Variants in NUB1 observed in about 807,000 individuals in gnomAD.
NUB1 encodes the protein negative regulator of ubiquitin like proteins 1, also known as NEDD8 ultimate buster 1.
Under a neutral mutation model 77.1 loss-of-function variants are expected in NUB1, and 41 were observed. The ratio of observed to expected loss-of-function variants is 0.53; its 90% confidence interval spans 0.41 to 0.69. The LOEUF (loss-of-function observed/expected upper bound fraction) is 0.69. NUB1 is among the 30% of genes least tolerant of loss of function. The pLI is 0.00. For missense variants in NUB1, 643 were observed against 743.8 expected (o/e 0.86, Z 1.58); for synonymous variants, 257 against 281.0 (o/e 0.91, Z 0.85).
chr7:151,375,094 G>A (rs1450469209), intron 12 of NUB1, among the ~76,000 whole-genome samples: 6 of 152,166 alleles, frequency 3.9e-5, no homozygotes, highest in Admixed American at 1.3e-4. Flanking sequence ...CTGCTGAGGC[G>A]GGTGTGGGTG....
At chr7:151,374,884 G>T (rs942883399) in intron 12 of NUB1, among the ~76,000 whole-genome samples, 1 of 152,210 alleles carries the variant, frequency 6.6e-6, no homozygotes, top group Non-Finnish European at 1.5e-5. Context: ...CACACGTGGT[G>T]AGGGGTCCCG....
At chr7:151,371,691 G>A (rs890597108) in intron 11 of NUB1, among the ~76,000 whole-genome samples, 4 of 152,296 alleles carry the variant, frequency 2.6e-5, no homozygotes, top group East Asian at 3.9e-4. Flanking sequence ...TGCTGCCCTC[G>A]GAGTTCCAAC....
chr7:151,368,885 G>C lies in NUB1; in HGVS notation c.1246G>C (p.Glu416Gln), dbSNP rs778658366. The change falls in exon 11 of 15, where the codon GAG becomes CAG. Residue 416 changes from glutamate (E) to glutamine (Q), a missense_variant and splice_region_variant. Transcript: ENST00000568733. ...HAATHITNRR[E>Q]ELAQIRKEEK... is the part of the protein sequence containing the mutation. Reference sequence around the variant, plus strand: ...GGCCACTCATATTACCAACCGCAGAGAGGTACCCACTTTCACATGCCCTAG... The same window carrying C: ...GGCCACTCATATTACCAACCGCAGACAGGTACCCACTTTCACATGCCCTAG... 1.9e-6 allele frequency: 3 copies of C among 1,611,696 alleles called. No homozygotes were observed. Among genetic ancestry groups the C allele is most frequent in the South Asian group, 2.2e-5 (2 of 90,590 alleles).
chr7:151,356,180 C>A lies in NUB1; in HGVS notation c.651C>A (p.Asn217Lys). ...TGACACCGTACTTAGACATAGCTAACCAGACAGGCAGATCAATCAGAATTC... is the reference window on the plus strand; with the variant it reads ...TGACACCGTACTTAGACATAGCTAAACAGACAGGCAGATCAATCAGAATTC... Reference protein sequence around the residue: ...PEMTPYLDIANQTGRSIRIPP... With the variant: ...PEMTPYLDIAKQTGRSIRIPP... Residue 217 changes from asparagine to lysine, a missense_variant, in exon 7 of 15, where the codon AAC (asparagine) becomes AAA (lysine). Physicochemically the swap from Asn to Lys is moderately conservative, Grantham distance 94. Transcript: ENST00000568733. 6.2e-7 allele frequency: 1 copy of A among 1,613,776 alleles called. No individual in the cohort carries two copies. Among genetic ancestry groups the A allele is most frequent in the Non-Finnish European group, 8.5e-7 (1 of 1,179,734 alleles).
rs1203078713 is a variant in NUB1 at position 151,352,279 on chromosome 7, A to G, written c.345-533A>G. 12 of 386,724 alleles carry G rather than the reference A, an allele frequency of 3.1e-5. No individual in the cohort carries two copies. The East Asian group carries it at 6.7e-4, about 21-fold the overall frequency. 24.0% of individuals were successfully genotyped at this position (386,724 alleles called of 1,614,324 possible). ...ACTGTGGTCTCCACTGCCTGAGGAA[A>G]CAAGCAGTAAAACGGAAAGTTTAAA... On this transcript the variant is annotated intron_variant, in intron 4 of 14. Transcript: ENST00000568733.
intron 12 of NUB1, chr7:151,374,459 CA>C: frequency 1.6e-6 from 1 of 636,402 alleles, no homozygotes; most frequent in Non-Finnish European, 2.8e-6. Flanking sequence ...GGCCTGGCTC[CA>C]AAACGTGGTG....
chr7:151,360,217 C>T lies in NUB1; in HGVS notation c.770C>T (p.Pro257Leu), dbSNP rs764677489. 5.8e-5 allele frequency: 94 copies of T among 1,608,574 alleles called. No individual in the cohort carries two copies. Among genetic ancestry groups the T allele is most frequent in the Non-Finnish European group, 7.8e-5 (92 of 1,175,176 alleles). ...LKRKEYGIAL[P>L]CLLDADKYFC... ...AGAAAAGAATATGGAATAGCCTTGC[C>T]ATGTCTGTTGGACGCTGACAAATAT... is the stretch of plus-strand genomic sequence containing the variant. The change falls in exon 8 of 15, where the codon CCA (proline) becomes CTA (leucine). Residue 257 changes from proline (P) to leucine (L), a missense_variant. Pro to Leu is a moderately conservative substitution (Grantham distance 98). Coordinates refer to ENST00000568733, the MANE Select transcript of NUB1 (RefSeq NM_001243351.2).
Position 151,341,959 on chromosome 7 carries a change from G to A in NUB1, c.-3+113G>A. On this transcript the variant is annotated intron_variant, in intron 1 of 14. Transcript: ENST00000568733. ...CTGGCCAGGGGTGGAGCGGCCGCGG[G>A]GCGGGGGTGAGCAGCCATGCGTGGA... 4 of 1,336,600 alleles carry A rather than the reference G, an allele frequency of 3.0e-6. No homozygotes were observed. In the South Asian group the frequency reaches 5.7e-5, roughly 19 times the overall value. 82.8% of individuals were successfully genotyped at this position (1,336,600 alleles called of 1,614,324 possible).
Position 151,356,242 on chromosome 7 carries a change from T to C in NUB1, c.693+20T>C. 6.5e-7 allele frequency: 1 copy of C among 1,543,014 alleles called. No individual in the cohort carries two copies. The highest frequency in any genetic ancestry group is 1.1e-5 in the South Asian group (1 of 89,102). ...AGAAAAGTAAGTACTATGAGAAATG[T>C]GTGGCCTGTTCTTAGATTTGTTGTC... On this transcript the variant is annotated intron_variant, in intron 7 of 14. Transcript: ENST00000568733.
Position 151,375,941 on chromosome 7 carries a change from C to CGAGT in NUB1, c.1491+5_1491+8dup. On this transcript the variant is annotated frameshift_variant and splice_region_variant, in exon 13 of 15. Transcript: ENST00000568733. LOFTEE classifies it high-confidence loss of function. ...AAGTCCTTCCCAGGAAAACATTGAC[C>CGAGT]GAGTGAGTGACAGGCCTTTGTGCCC... 5 of 1,604,952 alleles carry CGAGT rather than the reference C, an allele frequency of 3.1e-6. No individual in the cohort carries two copies. The highest frequency in any genetic ancestry group is 4.3e-6 in the Non-Finnish European group (5 of 1,171,870).
intron 5 of NUB1, among the ~76,000 whole-genome samples, chr7:151,353,666 A>G (rs11972311): frequency 0.02 from 3,049 of 152,232 alleles, 117 homozygotes; most frequent in African/African-American, 0.07. Context: ...GTGTTTTAGA[A>G]AGGTCACGCA....
chr7:151,355,907 A>G lies in NUB1; in HGVS notation c.555A>G (p.Gln185=), dbSNP rs758167207. Residue 185 remains glutamine, a synonymous_variant, in exon 6 of 15, where the codon CAA becomes CAG. Transcript: ENST00000568733. Reference sequence around the variant, plus strand: ...ATGAGGCCAAACTCAAAGAAAAACAAATTCAGAGGACCAAGAGAGGACTAG... The same window carrying G: ...ATGAGGCCAAACTCAAAGAAAAACAGATTCAGAGGACCAAGAGAGGACTAG... ...EQNEAKLKEK[Q]IQRTKRGLEI... 1 of 1,613,854 alleles carries G rather than the reference A, an allele frequency of 6.2e-7. No individual in the cohort carries two copies.
intron 9 of NUB1, among the ~76,000 whole-genome samples, 200 bp from the exon 10 acceptor site, chr7:151,367,661 G>A (rs1797756428): frequency 1.3e-5 from 2 of 152,168 alleles, no homozygotes; most frequent in African/African-American, 2.4e-5. Flanking sequence ...ACTCTCCTGT[G>A]TGGCATGAGG....
In NUB1 at chr7:151,345,337, T is replaced by C; in HGVS notation, c.-2-11T>C. ...ATGTGGAGTTTTATTAATGTATTGTTTTGCTTTCAGGGATGGCACAAAAGA... is the reference window on the plus strand; with the variant it reads ...ATGTGGAGTTTTATTAATGTATTGTCTTGCTTTCAGGGATGGCACAAAAGA... On this transcript the variant is annotated splice_polypyrimidine_tract_variant and intron_variant, in intron 1 of 14. Transcript: ENST00000568733. The C allele has an allele frequency of 1.3e-6, 2 of 1,539,950 alleles. No individual in the cohort carries two copies. Among genetic ancestry groups the C allele is most frequent in the African/African-American group, 2.7e-5 (2 of 73,338 alleles).
intron 8 of NUB1, among the ~76,000 whole-genome samples, chr7:151,364,474 CAT>C (rs1196499351): frequency 6.6e-6 from 1 of 151,204 alleles, no homozygotes; most frequent in African/African-American, 2.4e-5. Flanking sequence ...GTAAGACAAA[CAT>C]AATAAATTTC....
chr7:151,367,116 C>T lies in NUB1; in HGVS notation c.978C>T (p.Val326=). 6.2e-7 allele frequency: 1 copy of T among 1,612,244 alleles called. No homozygotes were observed. The highest frequency in any genetic ancestry group is 8.5e-7 in the Non-Finnish European group (1 of 1,178,832). ...NCYGENHQRL[V]HIKGNCGKEK... ...ACGGAGAAAATCATCAGAGACTGGT[C>T]CACATAAAAGTATGTTCCTGGAATT... The change falls in exon 9 of 15, where the codon GTC becomes GTT. Residue 326 remains valine, a synonymous_variant. Coordinates refer to ENST00000568733, the MANE Select transcript of NUB1 (RefSeq NM_001243351.2).
intron 1 of NUB1, among the ~76,000 whole-genome samples, chr7:151,343,417 T>C (rs1796307924): frequency 6.6e-6 from 1 of 152,196 alleles, no homozygotes; most frequent in African/African-American, 2.4e-5. Context: ...TTCAAAGTTG[T>C]GTGAATTGGG....
At chr7:151,366,286 T>C (rs1797678051) in intron 8 of NUB1, among the ~76,000 whole-genome samples, 1 of 152,210 alleles carries the variant, frequency 6.6e-6, no homozygotes, top group Non-Finnish European at 1.5e-5. Flanking sequence ...AGCCTGGTGC[T>C]TTCTGGATTG....
In NUB1 at chr7:151,356,130, G is replaced by C. The variant is rs371257673; in HGVS notation, c.601G>C (p.Ala201Pro). The C allele has an allele frequency of 1.7e-5, 27 of 1,613,268 alleles. No individual in the cohort carries two copies. The African/African-American group carries it at 3.6e-4, about 21-fold the overall frequency. The change falls in exon 7 of 15, where the codon GCA (alanine) becomes CCA (proline). Residue 201 changes from alanine to proline, a missense_variant and splice_region_variant. Ala to Pro is a conservative substitution (Grantham distance 27, BLOSUM62 -1). Transcript: ENST00000568733. ...RGLEILAKRA[A>P]ETVVDPEMTP... ...AGGTCCTTTTGGTTTTGTTACAGCA[G>C]CAGAGACAGTGGTGGATCCAGAAAT... is the stretch of plus-strand genomic sequence containing the variant.
Sources: allele counts gnomAD v4.1 joint callset (sites outside exome capture counted in the v4.1 genomes callset), GRCh38; gene constraint gnomAD v4.1.1; transcripts MANE v1.5; gene names NCBI Gene and HGNC (gene_info 2026-07-23, HGNC 2026-07-21).